Variants in EXOC4 observed in about 807,000 individuals in gnomAD.
EXOC4 encodes SEC8-like 1.
In EXOC4, 71 loss-of-function variants were observed where a neutral mutation model predicts 107.2. That is an observed-to-expected ratio of 0.66 (90% confidence interval 0.55 to 0.81). The LOEUF (loss-of-function observed/expected upper bound fraction) is 0.81, where lower values mean the gene tolerates loss of function less well. Ranked by LOEUF, EXOC4 falls within the 30% of genes least tolerant of loss-of-function variation. The pLI, the probability that EXOC4 is intolerant of heterozygous loss-of-function variation, is 0.00. For synonymous variants in EXOC4, 456 were observed against 441.2 expected, an observed-to-expected ratio of 1.03 and a Z score of -0.42; for missense variants, 1,108 against 1,189.6, an observed-to-expected ratio of 0.93 and a Z score of 1.01.
chr7:133,368,367 T>G (rs1796291565), intron 6 of EXOC4, among the ~76,000 whole-genome samples: 1 of 152,194 alleles, frequency 6.6e-6, no homozygotes, highest in Admixed American at 6.5e-5. Context: ...TACAGAATTA[T>G]TATTATGGAA....
chr7:133,867,846 A>G (rs1368532546), intron 11 of EXOC4, among the ~76,000 whole-genome samples: 1 of 152,190 alleles, frequency 6.6e-6, no homozygotes, highest in East Asian at 1.9e-4. Context: ...GATTAACTTA[A>G]TTAAAGGAAG....
chr7:133,577,852 C>G (rs750872913), intron 9 of EXOC4, among the ~76,000 whole-genome samples: 9 of 150,148 alleles, frequency 6.0e-5, no homozygotes, highest in African/African-American at 2.2e-4. Flanking sequence ...TTCTGACTTT[C>G]AAAAAAAAAG....
Position 133,900,714 on chromosome 7 carries a change from AAG to A in EXOC4, c.1871+4983_1871+4984del, listed in dbSNP as rs571672817. On this transcript the variant is annotated intron_variant, in intron 12 of 17. Transcript: ENST00000253861. ...GAAAATGGAGAGGAAGGAACAGATT[AAG>A]AGATAGTAAAGAGGTAAACTTGATA... 1.8e-4 allele frequency among the ~76,000 whole-genome samples: 27 copies of A among 152,304 alleles called. No individual in the cohort carries two copies. The East Asian group carries it at 5.2e-3, about 29-fold the overall frequency.
chr7:133,874,462 T>C (rs1798809629), intron 11 of EXOC4, among the ~76,000 whole-genome samples: 1 of 152,220 alleles, frequency 6.6e-6, no homozygotes, highest in Non-Finnish European at 1.5e-5. Context: ...TCTCCACTCC[T>C]GAACAAATTT....
In EXOC4 at chr7:133,356,409, C is replaced by A; in HGVS notation, c.843C>A (p.Ile281=). The part of the protein sequence containing the change: ...PEENSTLFMG[I]LIKGLAKLKK... ...AAAACAGCACCCTGTTTATGGGTATCCTCATTAAGGGCTTGGCGAAACTGA... is the reference window on the plus strand; with the variant it reads ...AAAACAGCACCCTGTTTATGGGTATACTCATTAAGGGCTTGGCGAAACTGA... Residue 281 remains isoleucine (I), a synonymous_variant, in exon 6 of 18, where the codon ATC becomes ATA. Transcript: ENST00000253861. 6.2e-7 allele frequency: 1 copy of A among 1,613,998 alleles called. No homozygotes were observed. The highest frequency in any genetic ancestry group is 1.3e-5 in the African/African-American group (1 of 74,986).
the EXOC4 span, among the ~76,000 whole-genome samples, chr7:134,088,209 A>T: frequency 0.56 from 85,355 of 151,906 alleles, 24,499 homozygotes; most frequent in East Asian, 0.73. Context: ...TTAATTCCTT[A>T]AAGGAAAACA....
chr7:133,684,557 C>G (rs1794254552), intron 10 of EXOC4, among the ~76,000 whole-genome samples: 2 of 152,032 alleles, frequency 1.3e-5, no homozygotes, highest in African/African-American at 4.8e-5. Flanking sequence ...TTAGAAAGGA[C>G]CCCATAAAAA....
chr7:133,744,943 A>G (rs1340944044), intron 10 of EXOC4, among the ~76,000 whole-genome samples: 2 of 152,156 alleles, frequency 1.3e-5, no homozygotes, highest in African/African-American at 4.8e-5. Flanking sequence ...TTTCATGGTG[A>G]AACTAGTACA....
At chr7:133,718,308 G>A (rs1285451323) in intron 10 of EXOC4, among the ~76,000 whole-genome samples, 1 of 152,168 alleles carries the variant, frequency 6.6e-6, no homozygotes, top group Admixed American at 6.5e-5. Flanking sequence ...GAATACAGAG[G>A]CTACTTAGGA....
chr7:134,084,772 C>T, the EXOC4 span, among the ~76,000 whole-genome samples: 1 of 149,844 alleles, frequency 6.7e-6, no homozygotes, highest in African/African-American at 2.5e-5. Flanking sequence ...AATTCCATTG[C>T]TAAGCCTCTG....
chr7:133,812,017 G>A (rs555394120), intron 10 of EXOC4, among the ~76,000 whole-genome samples: 44 of 152,160 alleles, frequency 2.9e-4, no homozygotes, highest in Admixed American at 2.4e-3. Context: ...TACACTTTGC[G>A]CCTGGCCACG....
At chr7:133,932,100 C>T (rs907555220) in intron 13 of EXOC4, among the ~76,000 whole-genome samples, 11 of 152,224 alleles carry the variant, frequency 7.2e-5, no homozygotes, top group African/African-American at 2.4e-4. Flanking sequence ...GACTGTCATT[C>T]TAAATTTTCT....
chr7:133,676,565 C>A (rs1200452327), intron 10 of EXOC4, among the ~76,000 whole-genome samples: 1 of 152,048 alleles, frequency 6.6e-6, no homozygotes, highest in Non-Finnish European at 1.5e-5. Flanking sequence ...GGACTGAAGA[C>A]AGTAATTGTG....
chr7:133,806,233 G>T (rs1450292802), intron 10 of EXOC4, among the ~76,000 whole-genome samples: 1 of 152,198 alleles, frequency 6.6e-6, no homozygotes, highest in Non-Finnish European at 1.5e-5. Flanking sequence ...TGCATGAGTA[G>T]CAAGGCTGAA....
chr7:134,027,149 T>G (rs1383092332), intron 17 of EXOC4, among the ~76,000 whole-genome samples: 1 of 152,208 alleles, frequency 6.6e-6, no homozygotes, highest in Non-Finnish European at 1.5e-5. Flanking sequence ...CTTTGTCACT[T>G]TAACAGTAGA....
In EXOC4 at chr7:133,877,916, G is replaced by T. The variant is rs924469127; in HGVS notation, c.1735-17683G>T. Reference sequence around the variant, plus strand: ...TAAGAAGACTGCCAGGCTCTGTCCAGGTCCCTTCTTCCTGCATCATGGCCC... The same window carrying T: ...TAAGAAGACTGCCAGGCTCTGTCCATGTCCCTTCTTCCTGCATCATGGCCC... On this transcript the variant is annotated intron_variant, in intron 11 of 17. Coordinates refer to ENST00000253861, the MANE Select transcript of EXOC4 (RefSeq NM_021807.4). 2.0e-4 allele frequency among the ~76,000 whole-genome samples: 31 copies of T among 152,164 alleles called. 1 individual carries two copies. The highest frequency in any genetic ancestry group is 2.9e-4 in the Non-Finnish European group (20 of 68,044).
At chr7:133,805,637 A>G (rs1563005636) in intron 10 of EXOC4, among the ~76,000 whole-genome samples, 1 of 152,190 alleles carries the variant, frequency 6.6e-6, no homozygotes, top group Admixed American at 6.5e-5. Context: ...AGTGACATCT[A>G]AGCTAGTGGC....
At chr7:133,720,178 A>C (rs1795079297) in intron 10 of EXOC4, among the ~76,000 whole-genome samples, 1 of 152,118 alleles carries the variant, frequency 6.6e-6, no homozygotes, top group Non-Finnish European at 1.5e-5. Context: ...GTTCTGGGAG[A>C]GTATATCACC....
chr7:133,427,366 G>A (rs1464979651), intron 7 of EXOC4, among the ~76,000 whole-genome samples: 2 of 152,044 alleles, frequency 1.3e-5, no homozygotes, highest in East Asian at 1.9e-4. Context: ...ACCTCTATAC[G>A]TTTTCATCAA....
Sources: gnomAD v4.1 joint callset for allele counts (sites outside exome capture counted in the v4.1 genomes callset) on GRCh38, gnomAD v4.1.1 for gene constraint, MANE v1.5 for transcripts, NCBI Gene and HGNC (gene_info 2026-07-23, HGNC 2026-07-21) for gene names.